Variants in SCLT1 observed in about 807,000 individuals in gnomAD.
SCLT1 encodes the protein sodium channel-associated protein 1.
In SCLT1, 78 loss-of-function variants were observed where a neutral mutation model predicts 112.8. The observed-to-expected ratio is 0.69, with a 90% CI of 0.58 to 0.83. The LOEUF is 0.83. Ranked by LOEUF, SCLT1 falls within the 40% of genes least tolerant of loss-of-function variation. The pLI is 0.00. For synonymous variants in SCLT1, 257 were observed against 254.7 expected, an observed-to-expected ratio of 1.01 and a Z score of -0.09; for missense variants, 747 against 770.4, an observed-to-expected ratio of 0.97 and a Z score of 0.36.
rs185994373 is a variant in SCLT1, at chr4:128,960,679, G to A, written c.870-902C>T. ...CTCACGCCTGTAATCCCAGCACTTT[G>A]GGAGGCCGAGGCGGGTGGATCATGA... On this transcript the variant is annotated intron_variant, in intron 11 of 20. Transcript: ENST00000281142. Among the ~76,000 whole-genome samples, 27 of 151,860 alleles carry A rather than the reference G, an allele frequency of 1.8e-4. No homozygotes were observed. The East Asian group carries it at 5.2e-3, about 29-fold the overall frequency.
chr4:128,937,466 CTCTT>C (rs1315388681), intron 17 of SCLT1, among the ~76,000 whole-genome samples: 2 of 152,252 alleles, frequency 1.3e-5, no homozygotes, highest in East Asian at 1.9e-4. Context: ...TAACACTTCT[CTCTT>C]TATTTACTCT....
chr4:128,943,117 T>C lies in SCLT1; in HGVS notation c.1511A>G (p.Glu504Gly), dbSNP rs761590675. The C allele has an allele frequency of 1.9e-6, 3 of 1,612,730 alleles. No homozygotes were observed. In the Admixed American group the frequency reaches 5.0e-5, roughly 27 times the overall value. The part of the protein sequence containing the change: ...KLQNVLESER[E>G]NCGLVSEQRL... Reference sequence around the variant, plus strand: ...TTGTTCACTGACAAGCCCACAGTTCTCTCTCTCAGACTCCAATACATTTTG... The same window carrying C: ...TTGTTCACTGACAAGCCCACAGTTCCCTCTCTCAGACTCCAATACATTTTG... The change falls in exon 17 of 21, where the codon GAG becomes GGG. Residue 504 changes from glutamate to glycine, a missense_variant. By Grantham distance (98) the Glu-to-Gly change is moderately conservative. This residue lies in a region of SCLT1 where 723 missense variants were observed against 721.3 expected (regional missense o/e 1.00). Transcript: ENST00000281142.
chr4:128,892,305 C>T (rs1733391687), intron 18 of SCLT1, among the ~76,000 whole-genome samples: 1 of 152,196 alleles, frequency 6.6e-6, no homozygotes, highest in Non-Finnish European at 1.5e-5. Context: ...GAATCAATGA[C>T]ATTCAAAGCT....
At position 128,948,335 on chromosome 4, in the gene SCLT1, CAAAAAAAAAAAAAA is replaced by C. The variant is rs11312069; in HGVS notation, c.1293+147_1293+160del. On this transcript the variant is annotated intron_variant, in intron 15 of 20. Transcript: ENST00000281142. ...TGGGTGACAGAGTGAGACTCCATTG[CAAAAAAAAAAAAAA>C]AAAAAAAAAAGAAAAGAAAAGAAAA... Among the ~76,000 whole-genome samples, 240 of 47,992 alleles carry C rather than the reference CAAAAAAAAAAAAAA, an allele frequency of 5.0e-3. 4 individuals carry two copies. The highest frequency in any genetic ancestry group is 0.043 in the Admixed American group (152 of 3,560). 31.5% of individuals were successfully genotyped at this position (47,992 alleles called of 152,430 possible).
At chr4:129,028,333 A>G (rs1350456090) in intron 5 of SCLT1, among the ~76,000 whole-genome samples, 1 of 152,190 alleles carries the variant, frequency 6.6e-6, no homozygotes, top group Non-Finnish European at 1.5e-5. Context: ...ACAGAGATAT[A>G]GATCAATGGA....
rs1176214243 is a variant in SCLT1 at position 129,028,776 on chromosome 4, C to T, written c.290+10265G>A. Among the ~76,000 whole-genome samples, 8 of 152,116 alleles carry T rather than the reference C, an allele frequency of 5.3e-5. No homozygotes were observed. In the South Asian group the frequency reaches 6.2e-4, roughly 12 times the overall value. On this transcript the variant is annotated intron_variant, in intron 5 of 20. Transcript: ENST00000281142. ...AGGGAGAAAATTGTTGCAACCTACT[C>T]ATCTGACAAAAGGCTAATATCCAGA...
At chr4:129,032,628 T>A (rs1017955055) in intron 5 of SCLT1, among the ~76,000 whole-genome samples, 1 of 151,550 alleles carries the variant, frequency 6.6e-6, no homozygotes, top group South Asian at 2.1e-4. Flanking sequence ...GCAAGGAACT[T>A]AAACAAATTT....
downstream of SCLT1, among the ~76,000 whole-genome samples, chr4:128,880,240 C>A (rs973166090): frequency 6.6e-6 from 1 of 152,146 alleles, no homozygotes; most frequent in Non-Finnish European, 1.5e-5. Context: ...ATGTGCTGAT[C>A]AGTTTTATCC....
chr4:128,931,555 C>T (rs58799593), intron 18 of SCLT1, among the ~76,000 whole-genome samples: 1,898 of 152,244 alleles, frequency 0.012, 36 homozygotes, highest in African/African-American at 0.042. Context: ...CTCCACCTCC[C>T]GGGTTCACGC....
intron 20 of SCLT1, 26 bp from the exon 21 acceptor site, chr4:128,884,565 A>C: frequency 6.8e-7 from 1 of 1,466,532 alleles, no homozygotes. Context: ...ACAATCGGTA[A>C]GTAGTTACTT....
At chr4:129,075,362 T>C (rs1390589539) in intron 2 of SCLT1, among the ~76,000 whole-genome samples, 2 of 152,164 alleles carry the variant, frequency 1.3e-5, no homozygotes, top group Non-Finnish European at 2.9e-5. Context: ...ATTTTCATCA[T>C]TTATCAATAA....
rs767821974 is a variant in SCLT1 at position 129,087,452 on chromosome 4, C to T, written c.35-5079G>A. On this transcript the variant is annotated intron_variant, in intron 1 of 20. Coordinates refer to ENST00000281142, the MANE Select transcript of SCLT1 (RefSeq NM_144643.4). ...AGTAATTCTATGAGGCTGGCATTACCTGATACTAAAACCAGACAAAAATAT... is the reference window on the plus strand; with the variant it reads ...AGTAATTCTATGAGGCTGGCATTACTTGATACTAAAACCAGACAAAAATAT... 5.4e-4 allele frequency among the ~76,000 whole-genome samples: 81 copies of T among 151,364 alleles called. 1 individual carries two copies. Among genetic ancestry groups the T allele is most frequent in the Non-Finnish European group, 6.5e-4 (44 of 67,890 alleles).
At chr4:128,966,117 A>G (rs1579532997) in intron 10 of SCLT1, among the ~76,000 whole-genome samples, 1 of 146,218 alleles carries the variant, frequency 6.8e-6, no homozygotes, top group African/African-American at 2.5e-5. Context: ...GGCGTGAGCC[A>G]CCGTGCTTGG....
intron 2 of SCLT1, among the ~76,000 whole-genome samples, chr4:129,051,424 C>G (rs1025984997): frequency 1.3e-5 from 2 of 152,068 alleles, no homozygotes; most frequent in Non-Finnish European, 2.9e-5. Flanking sequence ...TGTAGTTCTC[C>G]TTGAAGAGGT....
intron 12 of SCLT1, among the ~76,000 whole-genome samples, chr4:128,957,386 A>C (rs939090119): frequency 2.0e-5 from 3 of 152,146 alleles, no homozygotes; most frequent in Non-Finnish European, 2.9e-5. Flanking sequence ...AGAAATCTTA[A>C]AACCATTGTT....
chr4:128,884,354 C>T lies in SCLT1; in HGVS notation c.*123G>A. The T allele has an allele frequency of 1.6e-6, 1 of 617,716 alleles. No individual in the cohort carries two copies. The highest frequency in any genetic ancestry group is 2.8e-6 in the Non-Finnish European group (1 of 351,314). 38.3% of individuals were successfully genotyped at this position (617,716 alleles called of 1,614,324 possible). On this transcript the variant is annotated 3_prime_UTR_variant, in exon 21 of 21. Transcript: ENST00000281142. ...TCCAATAACCCTCAAAACAGAACAA[C>T]AATGCTTACGCGAAATAACACAAGC...
intron 18 of SCLT1, among the ~76,000 whole-genome samples, chr4:128,900,839 C>T (rs932040110): frequency 1.3e-5 from 2 of 152,048 alleles, no homozygotes; most frequent in African/African-American, 4.8e-5. Flanking sequence ...AAGAAAAAAA[C>T]AACCCCATCA....
chr4:128,922,576 C>T (rs187578065), intron 18 of SCLT1, among the ~76,000 whole-genome samples: 1 of 152,246 alleles, frequency 6.6e-6, no homozygotes, highest in East Asian at 1.9e-4. Flanking sequence ...TGCATGTTCT[C>T]ACTTACAAGT....
chr4:129,081,148 A>T (rs937669155), intron 2 of SCLT1, among the ~76,000 whole-genome samples: 8 of 152,142 alleles, frequency 5.3e-5, no homozygotes, highest in African/African-American at 1.9e-4. Context: ...AGTAGTTTAG[A>T]CACACACCTT....
Sources: allele counts gnomAD v4.1 joint callset (sites outside exome capture counted in the v4.1 genomes callset), GRCh38; gene constraint gnomAD v4.1.1; regional missense constraint gnomAD v4.1.1; transcripts MANE v1.5; gene names NCBI Gene and HGNC (gene_info 2026-07-23, HGNC 2026-07-21).